Variants in DRC8 observed in about 807,000 individuals in gnomAD.
DRC8 encodes the protein dynein regulatory complex protein 8.
chr1:245,101,161 A>G, the DRC8 span, among the ~76,000 whole-genome samples: 4 of 152,228 alleles, frequency 2.6e-5, no homozygotes, highest in African/African-American at 7.2e-5. Flanking sequence ...CTGGGATTAC[A>G]GGCATGAGCC....
chr1:245,109,625 G>C, the DRC8 span, among the ~76,000 whole-genome samples: 3 of 152,370 alleles, frequency 2.0e-5, no homozygotes, highest in African/African-American at 7.2e-5. Flanking sequence ...ATGTATGTTA[G>C]TTGATTTAAT....
the DRC8 span, among the ~76,000 whole-genome samples, chr1:244,984,850 C>CAAAA: frequency 7.2e-5 from 10 of 138,990 alleles, no homozygotes; most frequent in Non-Finnish European, 9.2e-5. Flanking sequence ...ACCCCCCCTT[C>CAAAA]AAAAAAAAAA....
chr1:244,969,964 C>G, the DRC8 span: 2 of 517,108 alleles, frequency 3.9e-6, no homozygotes, highest in African/African-American at 2.0e-5. Context: ...CCTAGCTCTC[C>G]GGCGCTTTTC....
At chr1:245,100,480 T>C in the DRC8 span, among the ~76,000 whole-genome samples, 1 of 151,784 alleles carries the variant, frequency 6.6e-6, no homozygotes, top group Non-Finnish European at 1.5e-5. Context: ...TAAATGACCT[T>C]AAAAAAATAC....
the DRC8 span, among the ~76,000 whole-genome samples, chr1:245,020,343 T>TC: frequency 3.3e-5 from 5 of 152,194 alleles, no homozygotes; most frequent in African/African-American, 9.6e-5. Flanking sequence ...CTACTGCCCT[T>TC]CCACCTCTGA....
the DRC8 span, among the ~76,000 whole-genome samples, chr1:245,074,523 A>G: frequency 1.3e-5 from 2 of 152,146 alleles, no homozygotes; most frequent in Admixed American, 1.3e-4. Context: ...CCTTTCCCCC[A>G]TCTCTTCAAA....
the DRC8 span, among the ~76,000 whole-genome samples, chr1:245,121,076 G>A: frequency 6.6e-6 from 1 of 152,204 alleles, no homozygotes; most frequent in Non-Finnish European, 1.5e-5. Context: ...AGTTTCTTTA[G>A]TTTTGAAACC....
chr1:244,986,794 C>T, the DRC8 span, among the ~76,000 whole-genome samples: 1 of 150,508 alleles, frequency 6.6e-6, no homozygotes, highest in Non-Finnish European at 1.5e-5. Context: ...AAGGGTGGAG[C>T]ACGGCAAGAG....
the DRC8 span, among the ~76,000 whole-genome samples, chr1:244,985,737 A>G: frequency 6.6e-6 from 1 of 151,454 alleles, no homozygotes; most frequent in Non-Finnish European, 1.5e-5. Context: ...GGTGGCACAC[A>G]CCTGTAATCT....
At chr1:245,074,385 G>A in the DRC8 span, among the ~76,000 whole-genome samples, 2 of 152,280 alleles carry the variant, frequency 1.3e-5, no homozygotes, top group African/African-American at 4.8e-5. Context: ...CGTGGGAGCG[G>A]CACTCACCCT....
the DRC8 span, among the ~76,000 whole-genome samples, chr1:245,118,249 C>T: frequency 6.6e-6 from 1 of 152,150 alleles, no homozygotes; most frequent in African/African-American, 2.4e-5. Flanking sequence ...ATTGAAATCG[C>T]AGCCTAGTCT....
At chr1:244,983,605 T>C in the DRC8 span, among the ~76,000 whole-genome samples, 1 of 152,010 alleles carries the variant, frequency 6.6e-6, no homozygotes, top group East Asian at 1.9e-4. Context: ...CCAGTTGTGG[T>C]GGCGCATGCT....
At chr1:244,973,590 G>A in the DRC8 span, among the ~76,000 whole-genome samples, 1 of 152,058 alleles carries the variant, frequency 6.6e-6, no homozygotes, top group Admixed American at 6.6e-5. Flanking sequence ...CTGCTTTACC[G>A]GTAAGATACA....
At chr1:245,015,236 C>T in the DRC8 span, among the ~76,000 whole-genome samples, 1 of 152,174 alleles carries the variant, frequency 6.6e-6, no homozygotes, top group African/African-American at 2.4e-5. Flanking sequence ...CCTGCCTGGG[C>T]CTACCAAACT....
chr1:244,970,272 G>GC, the DRC8 span: 18 of 632,834 alleles, frequency 2.8e-5, no homozygotes, highest in East Asian at 3.3e-5. Context: ...CCTCCTCCCC[G>GC]CCCCGCCCCG....
the DRC8 span, among the ~76,000 whole-genome samples, chr1:245,121,646 CG>C: frequency 6.6e-6 from 1 of 152,178 alleles, no homozygotes; most frequent in Non-Finnish European, 1.5e-5. Context: ...TACCAAAGGC[CG>C]GGCTGGCCTT....
the DRC8 span, among the ~76,000 whole-genome samples, chr1:245,075,915 C>CGA: frequency 1.3e-5 from 2 of 151,964 alleles, no homozygotes; most frequent in Admixed American, 1.3e-4. Flanking sequence ...TTTTTTCAGT[C>CGA]CAAAGAGGCC....
chr1:245,087,122 C>A, the DRC8 span: 1 of 1,409,166 alleles, frequency 7.1e-7, no homozygotes, highest in South Asian at 1.4e-5. Flanking sequence ...TCTACAGCTC[C>A]AGGGAGCGTA....
the DRC8 span, among the ~76,000 whole-genome samples, chr1:245,066,979 C>G: frequency 6.6e-6 from 1 of 152,134 alleles, no homozygotes; most frequent in Admixed American, 6.5e-5. Context: ...AATTGGACTT[C>G]TGGAAAAATC....
Sources: allele counts gnomAD v4.1 joint callset (sites outside exome capture counted in the v4.1 genomes callset), GRCh38; gene constraint gnomAD v4.1.1; transcripts MANE v1.5; gene names NCBI Gene and HGNC (gene_info 2026-07-23, HGNC 2026-07-21).